Variants in VPS13A observed in about 807,000 individuals in gnomAD.
VPS13A encodes the protein intermembrane lipid transfer protein VPS13A.
In VPS13A, 264 loss-of-function variants were observed where a neutral mutation model predicts 390.9. The ratio of observed to expected loss-of-function variants is 0.68; its 90% confidence interval spans 0.61 to 0.75. The LOEUF is 0.75. Ranked by LOEUF, VPS13A falls within the 30% of genes least tolerant of loss-of-function variation. VPS13A has a pLI of 0.00. For synonymous variants in VPS13A, 1,231 were observed against 1,227.1 expected (o/e 1.00, Z -0.07); for missense variants, 3,409 against 3,733.9 (o/e 0.91, Z 2.27).
rs141511520 is a variant in VPS13A, at chr9:77,382,569, G to A, written c.9189+482G>A. On this transcript the variant is annotated intron_variant, in intron 68 of 71. Coordinates refer to ENST00000360280, the MANE Select transcript of VPS13A (RefSeq NM_033305.3). ...CCAATTAAACCATTTCTGTTGTGGGGTTATTAAACCACTGGTAGCTTTTAT... is the reference window on the plus strand; with the variant it reads ...CCAATTAAACCATTTCTGTTGTGGGATTATTAAACCACTGGTAGCTTTTAT... 223 of 1,130,816 alleles carry A rather than the reference G, an allele frequency of 2.0e-4. 1 individual carries two copies. The East Asian group carries it at 1.0e-2, about 51-fold the overall frequency. 70.0% of individuals were successfully genotyped at this position (1,130,816 alleles called of 1,614,324 possible).
At chr9:77,283,050 A>G (rs567909581) in intron 29 of VPS13A, among the ~76,000 whole-genome samples, 3 of 152,284 alleles carry the variant, frequency 2.0e-5, no homozygotes, top group East Asian at 1.9e-4. Flanking sequence ...GATAATGACA[A>G]GTATCACCTA....
intron 45 of VPS13A, 41 bp from the exon 46 acceptor site, chr9:77,331,969 T>G: frequency 7.2e-7 from 1 of 1,381,396 alleles, no homozygotes. Flanking sequence ...TTTAGATTCT[T>G]AGATTAATGA....
chr9:77,395,375 C>T (rs1279248318), intron 68 of VPS13A, among the ~76,000 whole-genome samples: 1 of 152,118 alleles, frequency 6.6e-6, no homozygotes, highest in Non-Finnish European at 1.5e-5. Flanking sequence ...AGTTCACTCT[C>T]TATGGCTGTA....
At position 77,419,589 on chromosome 9, in the gene VPS13A, G is replaced by A. The variant is rs1278819922; in HGVS notation, c.*3583G>A. The A allele has an allele frequency of 1.3e-5, 2 of 152,110 alleles. No individual in the cohort carries two copies. Among genetic ancestry groups the A allele is most frequent in the East Asian group, 3.9e-4 (2 of 5,182 alleles). The allele number at this position is 152,110 out of a possible 1,614,324, so 9.4% of individuals were successfully genotyped here. On this transcript the variant is annotated 3_prime_UTR_variant, in exon 72 of 72. Transcript: ENST00000360280. ...GAGTGAGAAGATGGAATCACTCTTG[G>A]TTTCTAAAATATTTTTCTTCTCTGC... is the stretch of plus-strand genomic sequence containing the variant.
At chr9:77,301,093 GA>G (rs1462532893) in intron 33 of VPS13A, among the ~76,000 whole-genome samples, 1 of 152,290 alleles carries the variant, frequency 6.6e-6, no homozygotes, top group East Asian at 1.9e-4. Context: ...GTACTGATAA[GA>G]AAAGTTTTTC....
At chr9:77,399,556 T>A (rs1834282462) in intron 68 of VPS13A, among the ~76,000 whole-genome samples, 1 of 152,244 alleles carries the variant, frequency 6.6e-6, no homozygotes, top group African/African-American at 2.4e-5. Context: ...ATTAATGGTG[T>A]ATGTAGGCTC....
intron 1 of VPS13A, among the ~76,000 whole-genome samples, chr9:77,182,907 G>A (rs956701262): frequency 1.3e-5 from 2 of 152,054 alleles, no homozygotes; most frequent in Non-Finnish European, 2.9e-5. Flanking sequence ...GCTGGATACC[G>A]CCATGATACC....
intron 1 of VPS13A, among the ~76,000 whole-genome samples, chr9:77,186,746 A>G (rs1404667240): frequency 6.6e-6 from 1 of 152,098 alleles, no homozygotes; most frequent in Non-Finnish European, 1.5e-5. Flanking sequence ...TATCTTAACC[A>G]TTTTAAGTGT....
At chr9:77,346,178 C>G (rs1479513252) in intron 52 of VPS13A, among the ~76,000 whole-genome samples, 2 of 151,858 alleles carry the variant, frequency 1.3e-5, no homozygotes, top group Non-Finnish European at 2.9e-5. Context: ...ATGTTAACAT[C>G]TATTTTTTTT....
chr9:77,357,308 C>T (rs1307761698), intron 55 of VPS13A, among the ~76,000 whole-genome samples: 1 of 111,528 alleles, frequency 9.0e-6, no homozygotes, highest in Non-Finnish European at 1.7e-5. Context: ...GACAGCAAGA[C>T]TCTGTCTCAA....
chr9:77,374,103 G>C (rs1563971342), intron 67 of VPS13A, among the ~76,000 whole-genome samples: 1 of 151,860 alleles, frequency 6.6e-6, no homozygotes, highest in Non-Finnish European at 1.5e-5. Flanking sequence ...GTATTTCTTG[G>C]TTCAAACTCA....
intron 23 of VPS13A, 80 bp from the exon 24 acceptor site, chr9:77,273,200 G>T: frequency 9.0e-7 from 1 of 1,112,776 alleles, no homozygotes; most frequent in South Asian, 1.4e-5. Context: ...AACTGTTGTA[G>T]AACTTTGAAT....
intron 68 of VPS13A, among the ~76,000 whole-genome samples, chr9:77,400,801 C>T (rs1264055918): frequency 1.4e-5 from 2 of 146,114 alleles, no homozygotes; most frequent in Non-Finnish European, 3.0e-5. Context: ...GCACTCCAGC[C>T]TGGGCAACAG....
intron 35 of VPS13A, among the ~76,000 whole-genome samples, chr9:77,312,276 A>G (rs1368498327): frequency 6.6e-6 from 1 of 152,140 alleles, no homozygotes; most frequent in Non-Finnish European, 1.5e-5. Context: ...CTCAGACTTG[A>G]TGTATGTATC....
intron 68 of VPS13A, among the ~76,000 whole-genome samples, chr9:77,399,501 C>A (rs1194585977): frequency 6.6e-6 from 1 of 150,936 alleles, no homozygotes; most frequent in Non-Finnish European, 1.5e-5. Flanking sequence ...AAGTTAGGTA[C>A]TTGGAATAAA....
rs1835319872 is a variant in VPS13A, at chr9:77,420,915, T to C, written c.*4909T>C. On this transcript the variant is annotated 3_prime_UTR_variant, in exon 72 of 72. Coordinates refer to ENST00000360280, the MANE Select transcript of VPS13A (RefSeq NM_033305.3). ...CATTCAAGTAAAAATGTAGCATAGA[T>C]TACACTGAAATATTTTCAGTATCAA... 1 of 152,210 alleles carries C rather than the reference T, an allele frequency of 6.6e-6. No individual in the cohort carries two copies. Among genetic ancestry groups the C allele is most frequent in the African/African-American group, 2.4e-5 (1 of 41,464 alleles). The allele number at this position is 152,210 out of a possible 1,614,324, so 9.4% of individuals were successfully genotyped here.
intron 10 of VPS13A, among the ~76,000 whole-genome samples, chr9:77,216,387 G>T (rs1033351354): frequency 3.9e-5 from 6 of 152,238 alleles, no homozygotes; most frequent in Admixed American, 6.5e-5. Flanking sequence ...TTGTTTTTAG[G>T]CTGAGATGGG....
At chr9:77,342,764 C>T (rs1165735252) in intron 50 of VPS13A, among the ~76,000 whole-genome samples, 2 of 152,020 alleles carry the variant, frequency 1.3e-5, no homozygotes, top group African/African-American at 4.8e-5. Context: ...CTTCTGGTAC[C>T]AAGCATCTCG....
Position 77,291,002 on chromosome 9 carries a change from G to A in VPS13A, c.3340-2339G>A, listed in dbSNP as rs2377905. 8.6e-3 allele frequency among the ~76,000 whole-genome samples: 1,300 copies of A among 152,024 alleles called. 11 individuals carry two copies. The highest frequency in any genetic ancestry group is 0.014 in the South Asian group (66 of 4,808). On this transcript the variant is annotated intron_variant, in intron 31 of 71. Transcript: ENST00000360280. ...ATAGGGCATCTCATAATTATTGATC[G>A]AATGTCAGACATCATATCATGCATA... is the stretch of plus-strand genomic sequence containing the variant.
Sources: allele counts gnomAD v4.1 joint callset (sites outside exome capture counted in the v4.1 genomes callset), GRCh38; gene constraint gnomAD v4.1.1; transcripts MANE v1.5; gene names NCBI Gene and HGNC (gene_info 2026-07-23, HGNC 2026-07-21).